The following MFHAS1 variants were observed in gnomAD, a reference collection of about 807,000 sequenced individuals.
MFHAS1 encodes the protein malignant fibrous histiocytoma-amplified sequence 1.
MFHAS1 carries 50 observed loss-of-function variants against 70.4 expected under a neutral mutation model. That is an observed-to-expected ratio of 0.71 (90% CI 0.57 to 0.90). The LOEUF (loss-of-function observed/expected upper bound fraction) is 0.90, where lower values mean the gene tolerates loss of function less well. MFHAS1 is among the 40% of genes least tolerant of loss of function. The pLI is 0.00. For missense variants in MFHAS1, 1,795 were observed against 1,347.6 expected (o/e 1.33, Z -5.20); for synonymous variants, 952 against 620.0 (o/e 1.54, Z -7.96).
At chr8:8,805,927 T>C (rs756695058) in intron 1 of MFHAS1, among the ~76,000 whole-genome samples, 8 of 151,908 alleles carry the variant, frequency 5.3e-5, no homozygotes, top group Admixed American at 1.3e-4. Context: ...CTAACTCCTG[T>C]GACCTCAGGT....
intron 1 of MFHAS1, among the ~76,000 whole-genome samples, chr8:8,871,340 G>A (rs908657788): frequency 1.3e-4 from 20 of 152,098 alleles, no homozygotes; most frequent in African/African-American, 4.3e-4. Flanking sequence ...ACTTGAGGTC[G>A]GGAGTTTGAG....
At chr8:8,835,812 A>G (rs1807574205) in intron 1 of MFHAS1, among the ~76,000 whole-genome samples, 1 of 152,212 alleles carries the variant, frequency 6.6e-6, no homozygotes, top group Non-Finnish European at 1.5e-5. Context: ...GCCTCTTGTG[A>G]TTATTTAGAA....
intron 1 of MFHAS1, among the ~76,000 whole-genome samples, chr8:8,835,249 C>T (rs1807556362): frequency 6.6e-6 from 1 of 152,070 alleles, no homozygotes; most frequent in Admixed American, 6.6e-5. Flanking sequence ...ATCTATCACA[C>T]ACTTAAAAAA....
intron 1 of MFHAS1, among the ~76,000 whole-genome samples, chr8:8,842,174 C>G (rs936406573): frequency 6.6e-6 from 1 of 151,986 alleles, no homozygotes; most frequent in Admixed American, 6.5e-5. Flanking sequence ...TGTAACTTCA[C>G]AGGTCTGATT....
chr8:8,824,286 C>G (rs1807072462), intron 1 of MFHAS1, among the ~76,000 whole-genome samples: 1 of 152,010 alleles, frequency 6.6e-6, no homozygotes, highest in South Asian at 2.1e-4. Flanking sequence ...TCACATCTTG[C>G]ATCTTCTTAA....
At chr8:8,787,088 T>TTA (rs1805571498) in intron 2 of MFHAS1, among the ~76,000 whole-genome samples, 8 of 146,986 alleles carry the variant, frequency 5.4e-5, no homozygotes, top group African/African-American at 2.1e-4. Flanking sequence ...TATTATTATT[T>TTA]TTTTTTTTTT....
intron 1 of MFHAS1, among the ~76,000 whole-genome samples, chr8:8,837,726 C>T (rs934844605): frequency 1.3e-5 from 2 of 150,752 alleles, no homozygotes; most frequent in African/African-American, 4.9e-5. Flanking sequence ...CAATGAGATA[C>T]CACTGCACAC....
In MFHAS1 at chr8:8,890,741, G is replaced by C; in HGVS notation, c.2318C>G (p.Ser773Cys). 6.2e-7 allele frequency: 1 copy of C among 1,613,738 alleles called. No homozygotes were observed. Among genetic ancestry groups the C allele is most frequent in the Non-Finnish European group, 8.5e-7 (1 of 1,179,804 alleles). The change falls in exon 1 of 3, where the codon TCC becomes TGC. Residue 773 changes from serine (S) to cysteine (C), a missense_variant. Coordinates refer to ENST00000276282, the MANE Select transcript of MFHAS1 (RefSeq NM_004225.3). ...CCGGAGCAGTTCCTGGCTGGGGGTG[G>C]ACCGCGCCATGGGCGGGGAGCTTTC... ...EGESSPPMAR[S>C]TPSQELLRAT...
At chr8:8,833,245 T>C (rs980683947) in intron 1 of MFHAS1, among the ~76,000 whole-genome samples, 2 of 152,202 alleles carry the variant, frequency 1.3e-5, no homozygotes, top group African/African-American at 4.8e-5. Flanking sequence ...GGGATTGCAT[T>C]TCAACATGAG....
At position 8,893,000 on chromosome 8, in the gene MFHAS1, A is replaced by T; in HGVS notation, c.59T>A (p.Leu20Gln). ...KTARLWRDAA[L>Q]RARKLRSNLR... is the part of the protein sequence containing the mutation. Reference sequence around the variant, plus strand: ...GTTGCTCCGCAGCTTCCTGGCACGCAGGGCGGCGTCCCGCCACAGCCTCGC... The same window carrying T: ...GTTGCTCCGCAGCTTCCTGGCACGCTGGGCGGCGTCCCGCCACAGCCTCGC... The change falls in exon 1 of 3, where the codon CTG becomes CAG. Residue 20 changes from leucine to glutamine, a missense_variant. Coordinates refer to ENST00000276282, the MANE Select transcript of MFHAS1 (RefSeq NM_004225.3). This position sits in a 1 kb window ranked among gnomAD's most constrained non-coding sequence, Gnocchi z 4.7. 1.3e-6 allele frequency: 2 copies of T among 1,536,162 alleles called. No individual in the cohort carries two copies. Among genetic ancestry groups the T allele is most frequent in the African/African-American group, 1.4e-5 (1 of 70,264 alleles).
chr8:8,891,379 C>T lies in MFHAS1; in HGVS notation c.1680G>A (p.Leu560=), dbSNP rs1486692104. The T allele has an allele frequency of 6.2e-7, 1 of 1,611,872 alleles. No individual in the cohort carries two copies. Among genetic ancestry groups the T allele is most frequent in the Admixed American group, 1.7e-5 (1 of 60,028 alleles). ...GTCCCTCCGCGTCGTGCTTCTCCTGCAGGGCGATCTGGCGGTGAATGTCCA... is the reference window on the plus strand; with the variant it reads ...GTCCCTCCGCGTCGTGCTTCTCCTGTAGGGCGATCTGGCGGTGAATGTCCA... ...KCLDIHRQIA[L]QEKHDAEGLS... Residue 560 remains leucine, a synonymous_variant, in exon 1 of 3, where the codon CTG becomes CTA. Transcript: ENST00000276282. This position sits in a 1 kb window ranked among gnomAD's most constrained non-coding sequence, Gnocchi z 5.4.
intron 1 of MFHAS1, among the ~76,000 whole-genome samples, chr8:8,842,598 T>G (rs1486859877): frequency 6.6e-6 from 1 of 152,144 alleles, no homozygotes. Flanking sequence ...CCGTACAGCC[T>G]TGCTATCAAG....
intron 1 of MFHAS1, among the ~76,000 whole-genome samples, chr8:8,802,633 A>G (rs898226878): frequency 1.3e-5 from 2 of 152,164 alleles, no homozygotes; most frequent in Admixed American, 1.3e-4. Context: ...AGGGTAGGGT[A>G]TGGAGCAGCT....
chr8:8,808,765 T>C (rs1036941896), intron 1 of MFHAS1, among the ~76,000 whole-genome samples: 4 of 152,204 alleles, frequency 2.6e-5, no homozygotes, highest in African/African-American at 4.8e-5. Flanking sequence ...CGTTTTCCAA[T>C]TGATGGCAAT....
At chr8:8,867,650 C>T (rs576351410) in intron 1 of MFHAS1, among the ~76,000 whole-genome samples, 57 of 151,944 alleles carry the variant, frequency 3.8e-4, no homozygotes, top group Non-Finnish European at 5.6e-4. Flanking sequence ...CTCCGCCTCC[C>T]GGGTTCATGC....
chr8:8,796,119 A>G (rs1018947058), intron 2 of MFHAS1, among the ~76,000 whole-genome samples: 90 of 152,176 alleles, frequency 5.9e-4, no homozygotes, highest in African/African-American at 2.1e-3. Flanking sequence ...CACATACATA[A>G]AACCCAAACC....
At chr8:8,834,220 G>A (rs1441182686) in intron 1 of MFHAS1, among the ~76,000 whole-genome samples, 1 of 152,158 alleles carries the variant, frequency 6.6e-6, no homozygotes, top group Non-Finnish European at 1.5e-5. Flanking sequence ...TACTATGGTG[G>A]TCCCATAAGA....
chr8:8,833,325 A>T (rs538952811), intron 1 of MFHAS1, among the ~76,000 whole-genome samples: 2 of 152,338 alleles, frequency 1.3e-5, no homozygotes, highest in Admixed American at 6.5e-5. Flanking sequence ...AAAATTTGGC[A>T]GCTTCCTATA....
In MFHAS1 at chr8:8,882,249, G is replaced by T. The variant is rs150904831; in HGVS notation, c.2998+7812C>A. ...AAAAACACACACAAAAATTAGCTGG[G>T]GGTGGTGGTATGTGCCTGTAATCCC... On this transcript the variant is annotated intron_variant, in intron 1 of 2. Transcript: ENST00000276282. Among the ~76,000 whole-genome samples the T allele has an allele frequency of 9.8e-3, 1,492 of 152,242 alleles. 14 individuals carry two copies. The highest frequency in any genetic ancestry group is 0.034 in the Middle Eastern group (10 of 294).
Sources: gnomAD v4.1 joint callset for allele counts (sites outside exome capture counted in the v4.1 genomes callset) on GRCh38, gnomAD v4.1.1 for gene constraint, Gnocchi (gnomAD v3.1) non-coding constraint, MANE v1.5 for transcripts, NCBI Gene and HGNC (gene_info 2026-07-23, HGNC 2026-07-21) for gene names.